Variants in DCDC2C observed in about 807,000 individuals in gnomAD.
DCDC2C encodes doublecortin domain containing 2C, also known as doublecortin domain-containing protein 2C.
Under a neutral mutation model 45.0 loss-of-function variants are expected in DCDC2C, and 44 were observed. The ratio of observed to expected loss-of-function variants is 0.98; its 90% CI spans 0.77 to 1.26. DCDC2C has a LOEUF of 1.26. Ranked by LOEUF, DCDC2C falls within the 50% of genes most tolerant of loss-of-function variation. DCDC2C has a pLI of 0.00. For missense variants in DCDC2C, 447 were observed against 468.9 expected, an observed-to-expected ratio of 0.95 and a Z score of 0.43; for synonymous variants, 187 against 178.8, an observed-to-expected ratio of 1.05 and a Z score of -0.37.
intron 4 of DCDC2C, among the ~76,000 whole-genome samples, chr2:3,746,924 G>A (rs1669380707): frequency 6.6e-6 from 1 of 152,118 alleles, no homozygotes; most frequent in South Asian, 2.1e-4. Context: ...GTGTTCTGGG[G>A]TGGGGGGACT....
At chr2:3,765,737 G>T (rs1165605594) in intron 6 of DCDC2C, among the ~76,000 whole-genome samples, 1 of 152,090 alleles carries the variant, frequency 6.6e-6, no homozygotes, top group African/African-American at 2.4e-5. Flanking sequence ...CCCTTGGGTG[G>T]CTTCTAACCT....
At chr2:3,832,760 AG>A in intron 10 of DCDC2C, among the ~76,000 whole-genome samples, 1 of 152,342 alleles carries the variant, frequency 6.6e-6, no homozygotes, top group East Asian at 1.9e-4. Context: ...GCAGGGCTCA[AG>A]GTGAGAGTGA....
At position 3,742,028 on chromosome 2, in the gene DCDC2C, C is replaced by G; in HGVS notation, c.525C>G (p.Phe175Leu). The G allele has an allele frequency of 6.5e-7, 1 of 1,547,236 alleles. No individual in the cohort carries two copies. Among genetic ancestry groups the G allele is most frequent in the African/African-American group, 1.4e-5 (1 of 73,070 alleles). The change falls in exon 4 of 11, where the codon TTC becomes TTG. Residue 175 changes from phenylalanine to leucine, a missense_variant. By Grantham distance (22) the Phe-to-Leu change is conservative (BLOSUM62 0). Coordinates refer to ENST00000399143, the MANE Select transcript of DCDC2C (RefSeq NM_001287444.2). Reference protein sequence around the residue: ...IVLATIGEKVFPLGGVRKLFT... With the variant: ...IVLATIGEKVLPLGGVRKLFT... ...TGGCCACGATCGGAGAAAAAGTCTT[C>G]CCTCTAGGAGGCGTTCGGAAGTAAG...
chr2:3,710,036 A>G (rs1255363423), intron 2 of DCDC2C, among the ~76,000 whole-genome samples: 1 of 152,164 alleles, frequency 6.6e-6, no homozygotes, highest in African/African-American at 2.4e-5. Context: ...AGAGTTTAAA[A>G]AATTTTTATT....
chr2:3,794,121 A>G (rs1670893647), intron 10 of DCDC2C, among the ~76,000 whole-genome samples: 1 of 152,140 alleles, frequency 6.6e-6, no homozygotes, highest in South Asian at 2.1e-4. Context: ...CTTTGAATGC[A>G]TTTTTACCCA....
At chr2:3,717,222 C>T (rs956834752) in intron 2 of DCDC2C, among the ~76,000 whole-genome samples, 1 of 152,116 alleles carries the variant, frequency 6.6e-6, no homozygotes, top group African/African-American at 2.4e-5. Flanking sequence ...TGCCAAAGAC[C>T]CCCAGGTCTC....
In DCDC2C at chr2:3,703,697, C is replaced by A; in HGVS notation, c.-55C>A. ...CCTGGGCGCGGCTCTGCAGGCGTCG[C>A]TGCCCGCGCTGCCGCAGCCTCTCGG... On this transcript the variant is annotated 5_prime_UTR_variant, in exon 1 of 11. In the 5' UTR this introduces an upstream ATG that the reference lacks. Transcript: ENST00000399143. This position sits in a 1 kb window ranked among gnomAD's most constrained non-coding sequence, Gnocchi z 4.4. 8.2e-7 allele frequency: 1 copy of A among 1,222,020 alleles called. No homozygotes were observed. Among genetic ancestry groups the A allele is most frequent in the Non-Finnish European group, 1.0e-6 (1 of 981,450 alleles). 75.7% of individuals were successfully genotyped at this position (1,222,020 alleles called of 1,614,324 possible). A position where few individuals can be genotyped will look rare whatever the true frequency, so the allele number is the denominator to read the frequency against.
Position 3,798,865 on chromosome 2 carries a change from T to C in DCDC2C, c.1065+13765T>C, listed in dbSNP as rs550446822. Among the ~76,000 whole-genome samples the C allele has an allele frequency of 7.7e-3, 1,170 of 152,124 alleles. 8 individuals carry two copies. Among genetic ancestry groups the C allele is most frequent in the African/African-American group, 0.026 (1,095 of 41,438 alleles). On this transcript the variant is annotated intron_variant, in intron 10 of 10. Transcript: ENST00000399143. ...TTATGTGTCTTGGAGTTGCTCTTCT[T>C]GAGGAGTATCTTTGTGGCATTCTCT... is the stretch of plus-strand genomic sequence containing the variant.
intron 6 of DCDC2C, among the ~76,000 whole-genome samples, chr2:3,755,150 T>G (rs1158084481): frequency 1.3e-5 from 2 of 151,414 alleles, no homozygotes; most frequent in Non-Finnish European, 2.9e-5. Context: ...TGTGTGTATG[T>G]ATGGATGCAT....
chr2:3,780,806 G>A (rs1474056720), intron 9 of DCDC2C, among the ~76,000 whole-genome samples: 8 of 152,190 alleles, frequency 5.3e-5, no homozygotes, highest in African/African-American at 9.6e-5. Flanking sequence ...GTAGCTTGTC[G>A]GCGTCACGCA....
chr2:3,839,787 A>G (rs1249369797), intron 10 of DCDC2C, among the ~76,000 whole-genome samples: 1 of 152,232 alleles, frequency 6.6e-6, no homozygotes, highest in Non-Finnish European at 1.5e-5. Flanking sequence ...CTCACTCGCC[A>G]AAATGTCAGG....
intron 10 of DCDC2C, among the ~76,000 whole-genome samples, chr2:3,830,965 T>G (rs992759666): frequency 6.6e-6 from 1 of 152,142 alleles, no homozygotes; most frequent in African/African-American, 2.4e-5. Context: ...TTCAGTCTCT[T>G]GGGGTGGATA....
chr2:3,799,623 G>T (rs1359071724), intron 10 of DCDC2C, among the ~76,000 whole-genome samples: 10 of 152,310 alleles, frequency 6.6e-5, no homozygotes, highest in East Asian at 3.9e-4. Flanking sequence ...TGGAGTACCT[G>T]GCCATGTGAG....
chr2:3,810,575 A>C (rs907885567), intron 10 of DCDC2C, among the ~76,000 whole-genome samples: 2 of 150,704 alleles, frequency 1.3e-5, no homozygotes, highest in African/African-American at 2.4e-5. Flanking sequence ...CTGTGCAGAA[A>C]CTCTTCTAAT....
chr2:3,729,454 CTGATTTGTGTGGAAG>C (rs1668795098), intron 3 of DCDC2C, among the ~76,000 whole-genome samples: 1 of 152,222 alleles, frequency 6.6e-6, no homozygotes, highest in Non-Finnish European at 1.5e-5. Context: ...GAGTTCCACT[CTGATTTGTGTGGAAG>C]TGATTTGGGC....
At position 3,707,143 on chromosome 2, in the gene DCDC2C, G is replaced by A. The variant is rs548032991; in HGVS notation, c.288-1406G>A. 1.9e-4 allele frequency among the ~76,000 whole-genome samples: 29 copies of A among 152,296 alleles called. No individual in the cohort carries two copies. In the East Asian group the frequency reaches 5.4e-3, roughly 28 times the overall value. ...GCCCACCCAGCAGGCTTCTCTATGT[G>A]CCTGAGTTAAAGACCTCAGGTCATG... On this transcript the variant is annotated intron_variant, in intron 1 of 10. Coordinates refer to ENST00000399143, the MANE Select transcript of DCDC2C (RefSeq NM_001287444.2).
At chr2:3,805,130 T>TA (rs1241577385) in intron 10 of DCDC2C, among the ~76,000 whole-genome samples, 1 of 152,242 alleles carries the variant, frequency 6.6e-6, no homozygotes, top group Non-Finnish European at 1.5e-5. Flanking sequence ...TGACACTTTT[T>TA]ACTCCCTCTG....
intron 10 of DCDC2C, among the ~76,000 whole-genome samples, chr2:3,787,556 C>T (rs531094301): frequency 6.6e-6 from 1 of 152,304 alleles, no homozygotes; most frequent in East Asian, 1.9e-4. Flanking sequence ...ATGCACAATG[C>T]CTTACTTACA....
Position 3,754,572 on chromosome 2 carries a change from G to C in DCDC2C, c.684-20G>C, listed in dbSNP as rs1314393576. 29 of 1,548,206 alleles carry C rather than the reference G, an allele frequency of 1.9e-5. No individual in the cohort carries two copies. The East Asian group carries it at 6.8e-4, about 37-fold the overall frequency. ...AGGGCCGGGCTTTACATTTCAAGTT[G>C]AACATCTTTTGTCTTGCAGAAGGTA... is the stretch of plus-strand genomic sequence containing the variant. On this transcript the variant is annotated intron_variant, in intron 5 of 10. Transcript: ENST00000399143.
Sources: allele counts gnomAD v4.1 joint callset (sites outside exome capture counted in the v4.1 genomes callset), GRCh38; gene constraint gnomAD v4.1.1; non-coding constraint Gnocchi (gnomAD v3.1); transcripts MANE v1.5; gene names NCBI Gene and HGNC (gene_info 2026-07-23, HGNC 2026-07-21).